The following MIPOL1 variants were observed in gnomAD, a reference collection of about 807,000 sequenced individuals.
The protein encoded by MIPOL1 is mirror-image polydactyly gene 1 protein.
Under a neutral mutation model 60.9 loss-of-function variants are expected in MIPOL1, and 57 were observed. The ratio of observed to expected loss-of-function variants is 0.94; its 90% CI spans 0.76 to 1.17. The LOEUF is 1.17. Among genes scored for constraint, MIPOL1 ranks in the 50% most tolerant of loss-of-function variants. The pLI is 0.00. For missense variants in MIPOL1, 551 were observed against 511.6 expected, an observed-to-expected ratio of 1.08 and a Z score of -0.74; for synonymous variants, 179 against 168.8, an observed-to-expected ratio of 1.06 and a Z score of -0.47.
At chr14:37,388,188 T>C (rs1218893297) in intron 10 of MIPOL1, among the ~76,000 whole-genome samples, 1 of 151,894 alleles carries the variant, frequency 6.6e-6, no homozygotes, top group Non-Finnish European at 1.5e-5. Flanking sequence ...ATCAGCGTTG[T>C]TGAAGAATTG....
In MIPOL1 at chr14:37,426,594, T is replaced by TATATATATAC. The variant is rs1447990257; in HGVS notation, c.1031+3646_1031+3647insTATATATACA. Among the ~76,000 whole-genome samples the TATATATATAC allele has an allele frequency of 9.3e-3, 1,165 of 125,350 alleles. 15 individuals are homozygous for TATATATATAC. The highest frequency in any genetic ancestry group is 0.038 in the East Asian group (162 of 4,226). 82.2% of individuals were successfully genotyped at this position (125,350 alleles called of 152,430 possible). A position where few individuals can be genotyped will look rare whatever the true frequency, so the allele number is the denominator to read the frequency against. ...ACATATATATATATATATATATATA[T>TATATATATAC]ACACACACACATACATATATAATAT... On this transcript the variant is annotated intron_variant, in intron 11 of 12. Transcript: ENST00000684589.
chr14:37,321,318 A>G (rs1456130662), intron 9 of MIPOL1, among the ~76,000 whole-genome samples: 1 of 151,898 alleles, frequency 6.6e-6, no homozygotes, highest in Non-Finnish European at 1.5e-5. Flanking sequence ...AATATTTTTT[A>G]GTTTCTAATT....
chr14:37,229,595 A>T (rs1970303290), intron 1 of MIPOL1, among the ~76,000 whole-genome samples: 1 of 152,196 alleles, frequency 6.6e-6, no homozygotes, highest in Admixed American at 6.5e-5. Flanking sequence ...AGAGATATAT[A>T]CTTAAATTCC....
At chr14:37,247,639 T>C (rs981702998) in intron 2 of MIPOL1, among the ~76,000 whole-genome samples, 190 bp from the exon 3 acceptor site, 7 of 152,118 alleles carry the variant, frequency 4.6e-5, no homozygotes, top group South Asian at 2.1e-4. Context: ...AAAATACAAG[T>C]GTGAAGAAAA....
intron 12 of MIPOL1, among the ~76,000 whole-genome samples, chr14:37,530,206 G>A (rs2095471153): frequency 6.6e-6 from 1 of 152,090 alleles, no homozygotes; most frequent in Admixed American, 6.6e-5. Context: ...AAAGAATTCA[G>A]CATCTTAAGG....
At chr14:37,238,673 G>A (rs1026235002) in intron 1 of MIPOL1, among the ~76,000 whole-genome samples, 1 of 151,996 alleles carries the variant, frequency 6.6e-6, no homozygotes, top group African/African-American at 2.4e-5. Flanking sequence ...ATTCAGGGCC[G>A]GGTGCAGTGG....
intron 1 of MIPOL1, among the ~76,000 whole-genome samples, chr14:37,213,063 C>A (rs1966965692): frequency 6.6e-6 from 1 of 152,180 alleles, no homozygotes; most frequent in Non-Finnish European, 1.5e-5. Flanking sequence ...ACACCTGAGT[C>A]CTTTCAGATG....
At chr14:37,512,269 C>T (rs796295421) in intron 12 of MIPOL1, among the ~76,000 whole-genome samples, 10 of 115,302 alleles carry the variant, frequency 8.7e-5, no homozygotes, top group African/African-American at 3.7e-4. Context: ...AATTCTCAGC[C>T]TGGTTTTCCT....
chr14:37,542,396 G>A (rs2153641629), intron 12 of MIPOL1, among the ~76,000 whole-genome samples: 1 of 151,068 alleles, frequency 6.6e-6, no homozygotes, highest in South Asian at 2.1e-4. Context: ...CCCTCCTCTG[G>A]CTTCAGTTGC....
intron 10 of MIPOL1, among the ~76,000 whole-genome samples, chr14:37,381,278 T>C (rs1342678453): frequency 6.6e-6 from 1 of 152,108 alleles, no homozygotes; most frequent in Non-Finnish European, 1.5e-5. Flanking sequence ...GCCTTGACTC[T>C]TGTAAATGTA....
chr14:37,273,885 A>C (rs1020576871), intron 6 of MIPOL1, among the ~76,000 whole-genome samples: 1 of 151,614 alleles, frequency 6.6e-6, no homozygotes, highest in Admixed American at 6.6e-5. Flanking sequence ...AGTACTCAGT[A>C]AGTTGTGTCT....
intron 7 of MIPOL1, among the ~76,000 whole-genome samples, chr14:37,304,852 A>C (rs1177863684): frequency 6.6e-6 from 1 of 151,842 alleles, no homozygotes; most frequent in Non-Finnish European, 1.5e-5. Context: ...AATTATCATG[A>C]CTATGTCAAG....
chr14:37,340,348 T>G (rs757132986), intron 9 of MIPOL1, among the ~76,000 whole-genome samples: 1 of 152,210 alleles, frequency 6.6e-6, no homozygotes, highest in African/African-American at 2.4e-5. Context: ...TTGTACAATG[T>G]GTTTATGTTT....
At chr14:37,524,445 G>A (rs530292601) in intron 12 of MIPOL1, among the ~76,000 whole-genome samples, 1 of 152,222 alleles carries the variant, frequency 6.6e-6, no homozygotes, top group East Asian at 1.9e-4. Flanking sequence ...AAGACTGGAG[G>A]AAGAACAGAG....
At chr14:37,214,015 CCAGA>C (rs889701842) in intron 1 of MIPOL1, among the ~76,000 whole-genome samples, 1 of 152,012 alleles carries the variant, frequency 6.6e-6, no homozygotes, top group Non-Finnish European at 1.5e-5. Flanking sequence ...AAAGGCTTTC[CCAGA>C]CAAACAAAAA....
intron 9 of MIPOL1, among the ~76,000 whole-genome samples, chr14:37,332,323 G>A (rs11156942): frequency 6.6e-6 from 1 of 152,188 alleles, no homozygotes; most frequent in Non-Finnish European, 1.5e-5. Context: ...GATTATATCA[G>A]TTTTGTCCTT....
At chr14:37,493,160 CAA>C (rs1271284222) in intron 11 of MIPOL1, among the ~76,000 whole-genome samples, 6 of 151,866 alleles carry the variant, frequency 4.0e-5, no homozygotes, top group African/African-American at 1.2e-4. Context: ...ATCATGGAGA[CAA>C]GAGAGGAAGT....
chr14:37,429,406 A>G (rs957669182), intron 11 of MIPOL1, among the ~76,000 whole-genome samples: 9 of 152,124 alleles, frequency 5.9e-5, no homozygotes, highest in Non-Finnish European at 1.3e-4. Flanking sequence ...AATTTTTATT[A>G]TATTTTGTGT....
At chr14:37,428,948 A>G (rs992416674) in intron 11 of MIPOL1, among the ~76,000 whole-genome samples, 1 of 152,194 alleles carries the variant, frequency 6.6e-6, no homozygotes, top group Admixed American at 6.5e-5. Context: ...CAGAAAAGAT[A>G]GCAGGAGAGG....
Sources: gnomAD v4.1 joint callset for allele counts (sites outside exome capture counted in the v4.1 genomes callset) on GRCh38, gnomAD v4.1.1 for gene constraint, MANE v1.5 for transcripts, NCBI Gene and HGNC (gene_info 2026-07-23, HGNC 2026-07-21) for gene names.